The following OSBPL3 variants were observed in gnomAD, a reference collection of about 807,000 sequenced individuals.
OSBPL3 encodes oxysterol-binding protein-related protein 3.
A neutral mutation model predicts 120.1 loss-of-function variants in OSBPL3; 65 were observed. That is an observed-to-expected ratio of 0.54 (90% CI 0.44 to 0.67). The LOEUF is 0.67. Among genes scored for constraint, OSBPL3 ranks in the 30% least tolerant of loss-of-function variants. The pLI is 0.00. For synonymous variants in OSBPL3, 416 were observed against 402.6 expected (o/e 1.03, Z -0.40); for missense variants, 1,004 against 1,082.1 (o/e 0.93, Z 1.01).
chr7:24,872,295 T>A lies in OSBPL3; in HGVS notation c.97-226A>T, dbSNP rs561969085. 1.3e-5 allele frequency among the ~76,000 whole-genome samples: 2 copies of A among 152,004 alleles called. No individual in the cohort carries two copies. Among genetic ancestry groups the A allele is most frequent in the Non-Finnish European group, 2.9e-5 (2 of 67,974 alleles). On this transcript the variant is annotated intron_variant, in intron 2 of 22. Coordinates refer to ENST00000313367, the MANE Select transcript of OSBPL3 (RefSeq NM_015550.4). This position sits in a 1 kb window ranked among gnomAD's most constrained non-coding sequence, Gnocchi z 4.1. The stretch of plus-strand genomic sequence containing the variant: ...GGTTTTTTTAAAGCTCTTTTTTTTT[T>A]AGAAGGGAATGTTTCTTTCGGTGTT...
chr7:24,973,295 T>C lies in OSBPL3; in HGVS notation c.-150+6591A>G, dbSNP rs1013992509. Among the ~76,000 whole-genome samples the C allele has an allele frequency of 2.0e-5, 3 of 152,308 alleles. No homozygotes were observed. The East Asian group carries it at 5.8e-4, about 29-fold the overall frequency. On this transcript the variant is annotated intron_variant, in intron 1 of 22. Coordinates refer to ENST00000313367, the MANE Select transcript of OSBPL3 (RefSeq NM_015550.4). ...AAACACAGACATATAGACAGCAACA[T>C]AATTTTCATCTAAAGAAACTTTTAT...
At chr7:24,870,974 G>A in intron 4 of OSBPL3, 129 bp from the exon 5 acceptor site, 2 of 675,424 alleles carry the variant, frequency 3.0e-6, no homozygotes, top group Admixed American at 2.1e-5. Context: ...CACTTAGCGT[G>A]AGCCAGTGCT....
In OSBPL3 at chr7:24,921,838, T is replaced by G. The variant is rs567721193; in HGVS notation, c.-149-29217A>C. On this transcript the variant is annotated intron_variant, in intron 1 of 22. Transcript: ENST00000313367. ...CAAACAAGAGTTCACATTATGGGAT[T>G]TTAAAGAACCTTCCATTCTTACAGA... Among the ~76,000 whole-genome samples, 167 of 152,326 alleles carry G rather than the reference T, an allele frequency of 1.1e-3. 1 individual carries two copies. In the South Asian group the frequency reaches 0.011, roughly 10 times the overall value.
chr7:24,904,349 G>C (rs761335292), intron 1 of OSBPL3, among the ~76,000 whole-genome samples: 1 of 152,184 alleles, frequency 6.6e-6, no homozygotes, highest in African/African-American at 2.4e-5. Flanking sequence ...CAGTCAGCCC[G>C]CAGTATCTGC....
At chr7:24,860,639 T>C (rs1410746841) in intron 10 of OSBPL3, among the ~76,000 whole-genome samples, 1 of 152,366 alleles carries the variant, frequency 6.6e-6, no homozygotes, top group East Asian at 1.9e-4. Flanking sequence ...CGGGTATGTC[T>C]TTATCAGCAG....
chr7:24,923,335 T>A (rs1372286246), intron 1 of OSBPL3, among the ~76,000 whole-genome samples: 5 of 152,164 alleles, frequency 3.3e-5, no homozygotes, highest in Non-Finnish European at 2.9e-5. Flanking sequence ...GGTCTGTGCC[T>A]CATGTCTCCC....
chr7:24,961,013 C>T (rs1036709923), intron 1 of OSBPL3, among the ~76,000 whole-genome samples: 2 of 151,922 alleles, frequency 1.3e-5, no homozygotes, highest in Non-Finnish European at 1.5e-5. Context: ...AATTAAACTT[C>T]GAAATAATTT....
At chr7:24,842,712 C>A (rs567085107) in intron 12 of OSBPL3, among the ~76,000 whole-genome samples, 1 of 152,350 alleles carries the variant, frequency 6.6e-6, no homozygotes, top group East Asian at 1.9e-4. Context: ...AATTCCAGTG[C>A]TCTCTGAATC....
intron 2 of OSBPL3, among the ~76,000 whole-genome samples, chr7:24,878,449 G>A (rs748750283): frequency 6.6e-6 from 1 of 152,116 alleles, no homozygotes; most frequent in Non-Finnish European, 1.5e-5. Flanking sequence ...TGTCTTTAAT[G>A]ATTTTAAAGG....
intron 6 of OSBPL3, 110 bp from the exon 7 acceptor site, chr7:24,865,575 T>A: frequency 1.9e-6 from 2 of 1,055,050 alleles, no homozygotes; most frequent in Non-Finnish European, 2.8e-6. Flanking sequence ...ACCATCTGCC[T>A]ATAATGAGGA....
chr7:24,917,401 C>CATACATATATATAT (rs370274395), intron 1 of OSBPL3, among the ~76,000 whole-genome samples: 9 of 100,064 alleles, frequency 9.0e-5, no homozygotes, highest in African/African-American at 3.1e-4. Context: ...ATATTTGTAA[C>CATACATATATATAT]ATATATATAT....
intron 6 of OSBPL3, 47 bp downstream of exon 6, chr7:24,866,023 C>A (rs377536932): frequency 1.9e-4 from 291 of 1,538,050 alleles, no homozygotes; most frequent in Non-Finnish European, 2.4e-4. Flanking sequence ...CTCCATGAAA[C>A]AAAGCCACCC....
Position 24,896,247 on chromosome 7 carries a change from TCA to T in OSBPL3, c.-149-3628_-149-3627del, listed in dbSNP as rs1489011600. Among the ~76,000 whole-genome samples the T allele has an allele frequency of 6.6e-6, 1 of 152,190 alleles. No homozygotes were observed. The highest frequency in any genetic ancestry group is 1.9e-4 in the East Asian group (1 of 5,200). On this transcript the variant is annotated intron_variant, in intron 1 of 22. Coordinates refer to ENST00000313367, the MANE Select transcript of OSBPL3 (RefSeq NM_015550.4). This position sits in a 1 kb window ranked among gnomAD's most constrained non-coding sequence, Gnocchi z 4.4. Reference sequence around the variant, plus strand: ...CTTATGGCCCTTTCCTTCCTCTAAATCACAGAGGCCACCAAAACCAACACGTG... The same window carrying T: ...CTTATGGCCCTTTCCTTCCTCTAAATCAGAGGCCACCAAAACCAACACGTG...
chr7:24,944,494 G>A (rs1391697386), intron 1 of OSBPL3, among the ~76,000 whole-genome samples: 4 of 152,104 alleles, frequency 2.6e-5, no homozygotes, highest in South Asian at 2.1e-4. Context: ...GCCGGGCATG[G>A]TGGCACGTAC....
Position 24,947,089 on chromosome 7 carries a change from A to G in OSBPL3, c.-150+32797T>C, listed in dbSNP as rs1813823307. On this transcript the variant is annotated intron_variant, in intron 1 of 22. Transcript: ENST00000313367. The surrounding 1 kb of genome is among the most constrained non-coding windows in gnomAD (Gnocchi z 4.4). ...GTTCTAGCAAGGCATAGAGCTGTCT[A>G]AAAACAAAGTCAGGAGTGCCCCATC... 6.6e-6 allele frequency among the ~76,000 whole-genome samples: 1 copy of G among 152,236 alleles called. No individual in the cohort carries two copies. Among genetic ancestry groups the G allele is most frequent in the Admixed American group, 6.5e-5 (1 of 15,286 alleles).
Position 24,959,580 on chromosome 7 carries a change from C to T in OSBPL3, c.-150+20306G>A, listed in dbSNP as rs1195928626. Among the ~76,000 whole-genome samples the T allele has an allele frequency of 6.6e-6, 1 of 152,166 alleles. No individual in the cohort carries two copies. Among genetic ancestry groups the T allele is most frequent in the East Asian group, 1.9e-4 (1 of 5,202 alleles). On this transcript the variant is annotated intron_variant, in intron 1 of 22. Coordinates refer to ENST00000313367, the MANE Select transcript of OSBPL3 (RefSeq NM_015550.4). This position sits in a 1 kb window ranked among gnomAD's most constrained non-coding sequence, Gnocchi z 4.3. ...CGACTTCGGAAGAGCTGGTAATCAC[C>T]TGTTTCTTGTTCTGGACGCTGGTTA...
At chr7:24,942,278 T>C (rs1417054442) in intron 1 of OSBPL3, among the ~76,000 whole-genome samples, 6 of 152,048 alleles carry the variant, frequency 3.9e-5, no homozygotes, top group African/African-American at 1.4e-4. Context: ...TAAACATAGG[T>C]ATTCTTTTAT....
rs555365441 is a variant in OSBPL3 at position 24,834,318 on chromosome 7, A to C, written c.1746+168T>G. The C allele has an allele frequency of 1.4e-6, 2 of 1,459,756 alleles. No homozygotes were observed. The highest frequency in any genetic ancestry group is 2.5e-5 in the East Asian group (1 of 40,510). 90.4% of individuals were successfully genotyped at this position (1,459,756 alleles called of 1,614,324 possible). On this transcript the variant is annotated intron_variant, in intron 15 of 22. Coordinates refer to ENST00000313367, the MANE Select transcript of OSBPL3 (RefSeq NM_015550.4). The surrounding 1 kb of genome is among the most constrained non-coding windows in gnomAD (Gnocchi z 5.2). The stretch of plus-strand genomic sequence containing the variant: ...CTCCAAATCCTCACAAGGTGACTGG[A>C]AACAGCCAGGCGGAGGAAGCCAGAC...
rs1027139146 is a variant in OSBPL3 at position 24,803,229 on chromosome 7, A to C, written c.2567+1086T>G. ...ATGAAAAGACACTGGTGGCCCTGGA[A>C]GGACTTGGGCAGATGGAGTAGAGCA... On this transcript the variant is annotated intron_variant, in intron 22 of 22. Coordinates refer to ENST00000313367, the MANE Select transcript of OSBPL3 (RefSeq NM_015550.4). The surrounding 1 kb of genome is among the most constrained non-coding windows in gnomAD (Gnocchi z 4.2). Among the ~76,000 whole-genome samples, 1 of 152,238 alleles carries C rather than the reference A, an allele frequency of 6.6e-6. No individual in the cohort carries two copies. The highest frequency in any genetic ancestry group is 1.5e-5 in the Non-Finnish European group (1 of 68,046).
Sources: gnomAD v4.1 joint callset for allele counts (sites outside exome capture counted in the v4.1 genomes callset) on GRCh38, gnomAD v4.1.1 for gene constraint, Gnocchi (gnomAD v3.1) non-coding constraint, MANE v1.5 for transcripts, NCBI Gene and HGNC (gene_info 2026-07-23, HGNC 2026-07-21) for gene names.